The following EXOC4 variants were observed in gnomAD, a reference collection of about 807,000 sequenced individuals.
The protein encoded by EXOC4 is exocyst complex component 4.
Under a neutral mutation model 107.2 loss-of-function variants are expected in EXOC4, and 71 were observed. The observed-to-expected ratio is 0.66, with a 90% CI of 0.55 to 0.81. The LOEUF (loss-of-function observed/expected upper bound fraction) is 0.81. Ranked by LOEUF, EXOC4 falls within the 30% of genes least tolerant of loss-of-function variation. EXOC4 has a pLI of 0.00. For synonymous variants in EXOC4, 456 were observed against 441.2 expected, an observed-to-expected ratio of 1.03 and a Z score of -0.42; for missense variants, 1,108 against 1,189.6, an observed-to-expected ratio of 0.93 and a Z score of 1.01.
At chr7:133,669,838 C>T (rs2151056291) in intron 10 of EXOC4, among the ~76,000 whole-genome samples, 1 of 152,282 alleles carries the variant, frequency 6.6e-6, no homozygotes, top group Non-Finnish European at 1.5e-5. Context: ...GGAACACTTA[C>T]AAGGACTCTA....
chr7:133,322,314 T>C (rs1209087473), intron 5 of EXOC4, among the ~76,000 whole-genome samples: 2 of 152,210 alleles, frequency 1.3e-5, no homozygotes, highest in African/African-American at 2.4e-5. Flanking sequence ...CTGAATGGTA[T>C]TGCCCAGGTT....
chr7:133,401,296 A>G (rs536174290), intron 7 of EXOC4, among the ~76,000 whole-genome samples: 4 of 151,878 alleles, frequency 2.6e-5, no homozygotes, highest in Non-Finnish European at 5.9e-5. Flanking sequence ...TATTCAGTCA[A>G]CTATTTAACC....
At chr7:133,542,977 A>G (rs2150933426) in intron 9 of EXOC4, among the ~76,000 whole-genome samples, 1 of 152,264 alleles carries the variant, frequency 6.6e-6, no homozygotes, top group South Asian at 2.1e-4. Flanking sequence ...CTGCCTGAAG[A>G]CGACCATAGC....
intron 9 of EXOC4, among the ~76,000 whole-genome samples, chr7:133,488,994 G>A (rs1799321477): frequency 8.0e-6 from 1 of 124,820 alleles, no homozygotes; most frequent in African/African-American, 2.8e-5. Flanking sequence ...AACTTAATAT[G>A]TAATATATAT....
chr7:133,473,186 A>G (rs1432939195), intron 7 of EXOC4, among the ~76,000 whole-genome samples: 1 of 152,220 alleles, frequency 6.6e-6, no homozygotes, highest in Non-Finnish European at 1.5e-5. Flanking sequence ...AGTATAATTT[A>G]GTCCCTGAGT....
intron 17 of EXOC4, among the ~76,000 whole-genome samples, chr7:134,012,493 T>G (rs1479029770): frequency 6.6e-6 from 1 of 152,194 alleles, no homozygotes; most frequent in East Asian, 1.9e-4. Flanking sequence ...TTATTTACTG[T>G]AATGAAAGTG....
intron 9 of EXOC4, among the ~76,000 whole-genome samples, chr7:133,561,438 C>G (rs1308925233): frequency 2.6e-5 from 4 of 152,130 alleles, no homozygotes; most frequent in Non-Finnish European, 5.9e-5. Flanking sequence ...AGCCATTACC[C>G]CTATTTGCCT....
chr7:133,668,391 A>C (rs1201507093), intron 10 of EXOC4, among the ~76,000 whole-genome samples: 1 of 152,170 alleles, frequency 6.6e-6, no homozygotes, highest in African/African-American at 2.4e-5. Context: ...TTATAATGGT[A>C]ACAATATAGT....
intron 9 of EXOC4, among the ~76,000 whole-genome samples, chr7:133,602,902 A>G (rs1801841668): frequency 6.6e-6 from 1 of 152,184 alleles, no homozygotes; most frequent in Admixed American, 6.5e-5. Context: ...GTAGGAAAAA[A>G]TAAGTGTTGT....
intron 11 of EXOC4, among the ~76,000 whole-genome samples, chr7:133,874,628 A>G (rs1244101947): frequency 6.6e-6 from 1 of 152,206 alleles, no homozygotes; most frequent in Non-Finnish European, 1.5e-5. Flanking sequence ...TGAGGCTGAA[A>G]CAATTTGTAG....
intron 13 of EXOC4, among the ~76,000 whole-genome samples, chr7:133,922,464 C>G (rs550923780): frequency 6.6e-6 from 1 of 152,158 alleles, no homozygotes; most frequent in East Asian, 1.9e-4. Context: ...ATTATGTGAG[C>G]AAGATTCATC....
intron 7 of EXOC4, among the ~76,000 whole-genome samples, chr7:133,397,568 A>G (rs903538466): frequency 6.6e-6 from 1 of 152,086 alleles, no homozygotes; most frequent in Non-Finnish European, 1.5e-5. Context: ...CATGCTCAAT[A>G]ATGTCATAAA....
At chr7:134,061,705 A>G (rs1286764544) in intron 17 of EXOC4, among the ~76,000 whole-genome samples, 1 of 152,186 alleles carries the variant, frequency 6.6e-6, no homozygotes, top group African/African-American at 2.4e-5. Context: ...ATTAATAGAC[A>G]ACTCCCTCCA....
intron 10 of EXOC4, among the ~76,000 whole-genome samples, chr7:133,642,653 C>A (rs1802886880): frequency 6.6e-6 from 1 of 152,174 alleles, no homozygotes; most frequent in Non-Finnish European, 1.5e-5. Context: ...CTTCTTTAAT[C>A]CATCTTCTAC....
At chr7:133,480,235 A>T in intron 9 of EXOC4, 97 bp downstream of exon 9, 1 of 1,552,144 alleles carries the variant, frequency 6.4e-7, no homozygotes, top group Non-Finnish European at 8.7e-7. Context: ...GATCCTTTCA[A>T]GGTAACAAAC....
At chr7:133,825,477 T>C (rs534208295) in intron 11 of EXOC4, among the ~76,000 whole-genome samples, 6 of 152,314 alleles carry the variant, frequency 3.9e-5, no homozygotes, top group African/African-American at 1.2e-4. Context: ...GGCTGAGTGA[T>C]TGCTGGAGCT....
chr7:133,854,542 G>A (rs1412099016), intron 11 of EXOC4, among the ~76,000 whole-genome samples: 2 of 151,898 alleles, frequency 1.3e-5, no homozygotes, highest in Non-Finnish European at 2.9e-5. Context: ...CTTACTGATC[G>A]TTGCTGATAA....
chr7:133,831,104 A>G (rs1397174314), intron 11 of EXOC4, among the ~76,000 whole-genome samples: 3 of 152,144 alleles, frequency 2.0e-5, no homozygotes, highest in Admixed American at 1.3e-4. Flanking sequence ...AGCTGGGATT[A>G]CAGGCACCCG....
At chr7:133,628,492 G>A (rs945673731) in intron 9 of EXOC4, among the ~76,000 whole-genome samples, 5 of 152,142 alleles carry the variant, frequency 3.3e-5, no homozygotes, top group Non-Finnish European at 7.4e-5. Context: ...TATCAGTCAG[G>A]CGTTATATCA....
Sources: allele counts gnomAD v4.1 joint callset (sites outside exome capture counted in the v4.1 genomes callset), GRCh38; gene constraint gnomAD v4.1.1; transcripts MANE v1.5; gene names NCBI Gene and HGNC (gene_info 2026-07-23, HGNC 2026-07-21).